Variants in FER1L5 observed in about 807,000 individuals in gnomAD.
FER1L5 encodes fer-1 like family member 5.
In FER1L5, 187 loss-of-function variants were observed where a neutral mutation model predicts 279.9. The ratio of observed to expected loss-of-function variants is 0.67; its 90% CI spans 0.59 to 0.75. The LOEUF is 0.75. Among genes scored for constraint, FER1L5 ranks in the 30% least tolerant of loss-of-function variants. The pLI is 0.00. For missense variants in FER1L5, 2,091 were observed against 2,594.4 expected (o/e 0.81, Z 4.21); for synonymous variants, 921 against 989.7 (o/e 0.93, Z 1.30).
In FER1L5 at chr2:96,686,042, CA is replaced by C. The variant is rs1178284508; in HGVS notation, c.2000del (p.Lys667SerfsTer33). ...LLLQELAQKA[K>X]QAKPKDMVAT... is the part of the protein sequence containing the mutation. ...TCCTGCAGGAACTGGCCCAAAAGGC[CA>C]AGCAAGCCAAGCCCAAGGACATGGT... On this transcript the variant is annotated frameshift_variant, in exon 22 of 53. Coordinates refer to ENST00000624922, the MANE Select transcript of FER1L5 (RefSeq NM_001293083.2). LOFTEE classifies it high-confidence loss of function. The C allele has an allele frequency of 6.4e-7, 1 of 1,551,512 alleles. No individual in the cohort carries two copies. The highest frequency in any genetic ancestry group is 8.7e-7 in the Non-Finnish European group (1 of 1,146,982).
At position 96,702,278 on chromosome 2, in the gene FER1L5, G is replaced by C. The variant is rs577235532; in HGVS notation, c.5160-28G>C. 3.9e-5 allele frequency: 63 copies of C among 1,601,196 alleles called. No homozygotes were observed. The highest frequency in any genetic ancestry group is 5.4e-5 in the Non-Finnish European group (63 of 1,174,280). On this transcript the variant is annotated intron_variant, in intron 46 of 52. Transcript: ENST00000624922. This position sits in a 1 kb window ranked among gnomAD's most constrained non-coding sequence, Gnocchi z 4.0. ...GCTGCAGCTGGGGAGCTCCTCCTCAGCAAAGCCTCAGAGCACAGTGGCCAC... is the reference window on the plus strand; with the variant it reads ...GCTGCAGCTGGGGAGCTCCTCCTCACCAAAGCCTCAGAGCACAGTGGCCAC...
chr2:96,659,363 T>TTCCTTCTTTC (rs2075785511), intron 9 of FER1L5, among the ~76,000 whole-genome samples: 1 of 20,364 alleles, frequency 4.9e-5, no homozygotes, highest in Non-Finnish European at 7.9e-5. Context: ...CCTTCCTTCC[T>TTCCTTCTTTC]TCTTTCTTTC....
chr2:96,646,584 G>C, intron 2 of FER1L5, 131 bp downstream of exon 2: 1 of 950,238 alleles, frequency 1.1e-6, no homozygotes, highest in Non-Finnish European at 1.6e-6. Flanking sequence ...TCAAGGCTGG[G>C]CATCTTGGCC....
chr2:96,683,575 A>T (rs774065051), intron 19 of FER1L5, among the ~76,000 whole-genome samples: 1 of 144,902 alleles, frequency 6.9e-6, no homozygotes, highest in Non-Finnish European at 1.5e-5. Flanking sequence ...TCCGGGGGGG[A>T]CACAGCCAGT....
Position 96,689,413 on chromosome 2 carries a change from AC to A in FER1L5, c.2525+38del. On this transcript the variant is annotated intron_variant, in intron 25 of 52. Coordinates refer to ENST00000624922, the MANE Select transcript of FER1L5 (RefSeq NM_001293083.2). The surrounding 1 kb of genome is among the most constrained non-coding windows in gnomAD (Gnocchi z 4.6). ...GGGGGCAGGCCCCACCAGAGGGGAC[AC>A]TTCACCTGGGAGGGCCAGTCCGCGG... is the stretch of plus-strand genomic sequence containing the variant. 6.5e-7 allele frequency: 1 copy of A among 1,540,106 alleles called. No homozygotes were observed. The highest frequency in any genetic ancestry group is 1.4e-5 in the African/African-American group (1 of 72,322).
chr2:96,689,324 C>T lies in FER1L5; in HGVS notation c.2473C>T (p.Pro825Ser), dbSNP rs1489298698. ...GACCCTCCCCATGACGGATTTCCAACCACCCCTGGGATGGCACTGGCAGGA... is the reference window on the plus strand; with the variant it reads ...GACCCTCCCCATGACGGATTTCCAATCACCCCTGGGATGGCACTGGCAGGA... ...NKTLPMTDFQ[P>S]PLGWHWQDSW... The change falls in exon 25 of 53, where the codon CCA becomes TCA. Residue 825 changes from proline to serine, a missense_variant. Physicochemically the swap from Pro to Ser is moderately conservative, Grantham distance 74 (BLOSUM62 -1). Coordinates refer to ENST00000624922, the MANE Select transcript of FER1L5 (RefSeq NM_001293083.2). This position sits in a 1 kb window ranked among gnomAD's most constrained non-coding sequence, Gnocchi z 4.6. The T allele has an allele frequency of 6.4e-7, 1 of 1,550,492 alleles. No homozygotes were observed. The highest frequency in any genetic ancestry group is 1.4e-5 in the African/African-American group (1 of 73,002).
rs1327318091 is a variant in FER1L5, at chr2:96,668,692, C to T, written c.1141-59C>T. The stretch of plus-strand genomic sequence containing the variant: ...GACTCCCTACCTGTTCTTAAAATCT[C>T]CACGAGGGCCAGACCATCCCAATGT... On this transcript the variant is annotated intron_variant, in intron 14 of 52. Coordinates refer to ENST00000624922, the MANE Select transcript of FER1L5 (RefSeq NM_001293083.2). The T allele has an allele frequency of 5.2e-6, 8 of 1,545,318 alleles. No homozygotes were observed. In the South Asian group the frequency reaches 7.2e-5, roughly 14 times the overall value.
rs1281423444 is a variant in FER1L5 at position 96,700,209 on chromosome 2, G to A, written c.4931-123G>A. On this transcript the variant is annotated intron_variant, in intron 44 of 52. Coordinates refer to ENST00000624922, the MANE Select transcript of FER1L5 (RefSeq NM_001293083.2). ...AAGGAAAGAGCTCCCTGGAGCCAAA[G>A]AGCAGCCCATCCCTTTCCCCTTCAC... is the stretch of plus-strand genomic sequence containing the variant. 8 of 1,553,316 alleles carry A rather than the reference G, an allele frequency of 5.2e-6. No homozygotes were observed. In the East Asian group the frequency reaches 1.8e-4, roughly 36 times the overall value.
chr2:96,659,734 G>A (rs1009025500), intron 9 of FER1L5, among the ~76,000 whole-genome samples: 4 of 151,406 alleles, frequency 2.6e-5, no homozygotes, highest in Non-Finnish European at 5.9e-5. Context: ...CTCTTGATCC[G>A]CCTGCCTCAG....
At position 96,668,665 on chromosome 2, in the gene FER1L5, G is replaced by C. The variant is rs915611949; in HGVS notation, c.1141-86G>C. On this transcript the variant is annotated intron_variant, in intron 14 of 52. Transcript: ENST00000624922. Reference sequence around the variant, plus strand: ...TGAGCCAGGACTTGCTCCCAGACCCGCGACTCCCTACCTGTTCTTAAAATC... The same window carrying C: ...TGAGCCAGGACTTGCTCCCAGACCCCCGACTCCCTACCTGTTCTTAAAATC... 146 of 1,485,750 alleles carry C rather than the reference G, an allele frequency of 9.8e-5. 1 individual carries two copies. The South Asian group carries it at 1.6e-3, about 16-fold the overall frequency. The allele number at this position is 1,485,750 out of a possible 1,614,324, so 92.0% of individuals were successfully genotyped here. A position where few individuals can be genotyped will look rare whatever the true frequency, so the allele number is the denominator to read the frequency against.
intron 9 of FER1L5, among the ~76,000 whole-genome samples, chr2:96,658,515 G>C (rs1227678696): frequency 6.6e-6 from 1 of 151,984 alleles, no homozygotes; most frequent in Admixed American, 6.6e-5. Context: ...GCCTCCCAAA[G>C]TGCTGGGATT....
chr2:96,685,372 A>T lies in FER1L5; in HGVS notation c.1838A>T (p.Asp613Val), dbSNP rs1461680511. Residue 613 changes from aspartate (D) to valine (V), a missense_variant, in exon 21 of 53, where the codon GAT (aspartate) becomes GTT (valine). Coordinates refer to ENST00000624922, the MANE Select transcript of FER1L5 (RefSeq NM_001293083.2). ...CTGAAATCCACGCGGAATCCGAAGG[A>T]TCCAGCTCTCCTCTACCAGTGGGAG... The part of the protein sequence containing the change: ...DTLKSTRNPK[D>V]PALLYQWEKL... 1 of 1,551,280 alleles carries T rather than the reference A, an allele frequency of 6.4e-7. No homozygotes were observed. The highest frequency in any genetic ancestry group is 8.7e-7 in the Non-Finnish European group (1 of 1,146,892).
intron 37 of FER1L5, among the ~76,000 whole-genome samples, chr2:96,696,453 C>T (rs1324620711): frequency 3.3e-5 from 5 of 152,074 alleles, no homozygotes; most frequent in Non-Finnish European, 5.9e-5. Flanking sequence ...CCACCACGCA[C>T]GGCTAATTTT....
At chr2:96,669,565 CAA>C (rs1307501724) in intron 17 of FER1L5, among the ~76,000 whole-genome samples, 1 of 152,050 alleles carries the variant, frequency 6.6e-6, no homozygotes, top group Non-Finnish European at 1.5e-5. Context: ...TCTGACTGTG[CAA>C]AGAGGCCCTG....
At chr2:96,644,667 G>A (rs567455493) in intron 1 of FER1L5, among the ~76,000 whole-genome samples, 4 of 152,322 alleles carry the variant, frequency 2.6e-5, no homozygotes, top group Admixed American at 1.3e-4. Flanking sequence ...GGACATATGA[G>A]TAATGAATGG....
intron 9 of FER1L5, among the ~76,000 whole-genome samples, chr2:96,655,542 CG>C (rs754831140): frequency 2.0e-5 from 3 of 151,988 alleles, no homozygotes; most frequent in Non-Finnish European, 4.4e-5. Context: ...TGTTAGGAAA[CG>C]GGCACCACCC....
intron 19 of FER1L5, among the ~76,000 whole-genome samples, chr2:96,682,387 C>T (rs1374496711): frequency 6.6e-6 from 1 of 152,244 alleles, no homozygotes; most frequent in Admixed American, 6.5e-5. Context: ...CCACCGCACC[C>T]GGCCAAGAGA....
intron 19 of FER1L5, among the ~76,000 whole-genome samples, chr2:96,675,122 G>A (rs551285450): frequency 6.6e-6 from 1 of 152,126 alleles, no homozygotes; most frequent in Non-Finnish European, 1.5e-5. Context: ...TATGTGTACT[G>A]CAGTTCATTT....
chr2:96,647,734 T>C (rs2075198926), intron 3 of FER1L5, 44 bp from the exon 4 acceptor site: 1 of 1,421,142 alleles, frequency 7.0e-7, no homozygotes, highest in Non-Finnish European at 9.7e-7. Context: ...GAGGACACTC[T>C]TTCCCCTGGC....
Sources: gnomAD v4.1 joint callset for allele counts (sites outside exome capture counted in the v4.1 genomes callset) on GRCh38, gnomAD v4.1.1 for gene constraint, Gnocchi (gnomAD v3.1) non-coding constraint, MANE v1.5 for transcripts, NCBI Gene and HGNC (gene_info 2026-07-23, HGNC 2026-07-21) for gene names.